BOK: variants seen among roughly 807,000 people sequenced by gnomAD.
BOK encodes BCL2 family apoptosis regulator BOK.
In BOK, 20 loss-of-function variants were observed where a neutral mutation model predicts 18.3. The ratio of observed to expected loss-of-function variants is 1.09; its 90% CI spans 0.77 to 1.59. BOK has a LOEUF of 1.59. BOK is among the 40% of genes most tolerant of loss of function. The probability of loss-of-function intolerance (pLI) is 0.00; values close to 1 mark genes in which losing one functional copy is unlikely to be tolerated. For synonymous variants in BOK, 173 were observed against 142.4 expected, an observed-to-expected ratio of 1.21 and a Z score of -1.53; for missense variants, 348 against 307.9, an observed-to-expected ratio of 1.13 and a Z score of -0.97.
chr2:241,559,425 C>T, intron 1 of BOK, 30 bp from the exon 2 acceptor site: 3 of 1,293,634 alleles, frequency 2.3e-6, no homozygotes, highest in Non-Finnish European at 2.9e-6. Context: ...CGCCGCCTCC[C>T]TCCACCCGGC....
chr2:241,569,828 T>A (rs561951752), intron 3 of BOK, among the ~76,000 whole-genome samples: 1 of 152,132 alleles, frequency 6.6e-6, no homozygotes, highest in Admixed American at 6.5e-5. Flanking sequence ...ACCCGTGAGG[T>A]CACTGGCTGC....
At chr2:241,555,857 G>C (rs531053810), upstream of BOK, among the ~76,000 whole-genome samples, 1 of 152,204 alleles carries the variant, frequency 6.6e-6, no homozygotes, top group Non-Finnish European at 1.5e-5. Context: ...CAGGAAGCAG[G>C]AAGTATGAGT....
intron 1 of BOK, 93 bp from the exon 2 acceptor site, chr2:241,559,362 G>C (rs1318759262): frequency 1.1e-5 from 8 of 721,992 alleles, no homozygotes; most frequent in African/African-American, 1.9e-5. Context: ...CGCCGGCTAC[G>C]GCCCTTCCCG....
chr2:241,551,612 TG>T (rs1453389146), intron 1 of BOK: 2 of 151,386 alleles, frequency 1.3e-5, no homozygotes, highest in Non-Finnish European at 2.9e-5. Flanking sequence ...ACTAAGGGGG[TG>T]GGGGGCACAA....
At chr2:241,569,807 C>T (rs1304470107) in intron 3 of BOK, among the ~76,000 whole-genome samples, 1 of 152,180 alleles carries the variant, frequency 6.6e-6, no homozygotes, top group Non-Finnish European at 1.5e-5. Context: ...AACAGGCAGC[C>T]CAGGGGTGCC....
chr2:241,553,784 C>T (rs2066431482), upstream of BOK, among the ~76,000 whole-genome samples: 1 of 152,206 alleles, frequency 6.6e-6, no homozygotes, highest in African/African-American at 2.4e-5. Context: ...CAAGCTGTAT[C>T]ACCCACACAA....
chr2:241,571,828 CTGT>C (rs1190398980), intron 4 of BOK, among the ~76,000 whole-genome samples: 1 of 152,274 alleles, frequency 6.6e-6, no homozygotes, highest in Non-Finnish European at 1.5e-5. Context: ...GCAGTCCCTG[CTGT>C]TGTTCCAGGC....
chr2:241,559,568 G>GC lies in BOK; in HGVS notation c.88dup (p.Gln30ProfsTer36). ...CTCGCCCACAGACAAGGAGCTGGTG[G>GC]CCCAGGCCAAGGCGCTGGGCCGGGA... On this transcript the variant is annotated frameshift_variant, in exon 2 of 5. Transcript: ENST00000318407. LOFTEE classifies it high-confidence loss of function. 1 of 1,527,066 alleles carries GC rather than the reference G, an allele frequency of 6.5e-7. No individual in the cohort carries two copies. Among genetic ancestry groups the GC allele is most frequent in the Non-Finnish European group, 8.7e-7 (1 of 1,146,480 alleles). 94.6% of individuals were successfully genotyped at this position (1,527,066 alleles called of 1,614,324 possible). A position where few individuals can be genotyped will look rare whatever the true frequency, so the allele number is the denominator to read the frequency against.
upstream of BOK, among the ~76,000 whole-genome samples, chr2:241,557,963 G>A (rs1214636398): frequency 1.3e-5 from 2 of 151,274 alleles, no homozygotes; most frequent in South Asian, 2.1e-4. Context: ...TTGTACACAC[G>A]TGAATTAGGC....
At position 241,559,636 on chromosome 2, in the gene BOK, C is replaced by T. The variant is rs1414133210; in HGVS notation, c.153C>T (p.Ser51=). The change falls in exon 2 of 5, where the codon AGC becomes AGT. Residue 51 remains serine (S), a synonymous_variant. Transcript: ENST00000318407. The part of the protein sequence containing the change: ...ARLLRAGLSW[S]APERAAPVPG... ...TGCTGCGCGCCGGCCTCTCCTGGAG[C>T]GCGCCCGAGCGTGCCGCGCCGGTCC... is the stretch of plus-strand genomic sequence containing the variant. 4.9e-6 allele frequency: 7 copies of T among 1,417,558 alleles called. No homozygotes were observed. Among genetic ancestry groups the T allele is most frequent in the Non-Finnish European group, 6.4e-6 (7 of 1,093,898 alleles). 87.8% of individuals were successfully genotyped at this position (1,417,558 alleles called of 1,614,324 possible).
intron 3 of BOK, among the ~76,000 whole-genome samples, chr2:241,566,471 G>T (rs1348737318): frequency 1.3e-5 from 2 of 151,286 alleles, no homozygotes; most frequent in Non-Finnish European, 2.9e-5. Flanking sequence ...GCTAATTTTT[G>T]TATTGTTAGT....
At chr2:241,568,965 TGCTGACTCCCTCCGGGGACC>T in intron 3 of BOK, among the ~76,000 whole-genome samples, 1 of 150,886 alleles carries the variant, frequency 6.6e-6, no homozygotes, top group Admixed American at 6.6e-5. Context: ...CAGGGACCAC[TGCTGACTCCCTCCGGGGACC>T]GCTGCTAACT....
chr2:241,564,925 G>A (rs1462649137), intron 3 of BOK, among the ~76,000 whole-genome samples: 1 of 152,210 alleles, frequency 6.6e-6, no homozygotes, highest in Non-Finnish European at 1.5e-5. Context: ...GATGGGGCCA[G>A]GATGCCCCTA....
At chr2:241,564,296 C>T (rs2066576699) in intron 3 of BOK, among the ~76,000 whole-genome samples, 1 of 152,150 alleles carries the variant, frequency 6.6e-6, no homozygotes, top group South Asian at 2.1e-4. Context: ...GGTGTGGGGT[C>T]AGGAGGCGGA....
chr2:241,554,198 G>T (rs1249872207), upstream of BOK, among the ~76,000 whole-genome samples: 2 of 152,178 alleles, frequency 1.3e-5, no homozygotes, highest in South Asian at 2.1e-4. Flanking sequence ...TCAGGGGCTG[G>T]CTCTGTATGG....
At chr2:241,569,598 C>T (rs7598295) in intron 3 of BOK, among the ~76,000 whole-genome samples, 83,321 of 151,822 alleles carry the variant, frequency 0.55, 23,079 homozygotes, top group East Asian at 0.73. Flanking sequence ...TTCTCGCTCA[C>T]GTATAAGACG....
At chr2:241,561,084 G>T (rs1050978418) in intron 2 of BOK, among the ~76,000 whole-genome samples, 1 of 152,208 alleles carries the variant, frequency 6.6e-6, no homozygotes, top group Non-Finnish European at 1.5e-5. Flanking sequence ...CCCGCCCCCA[G>T]CCAGCCTCTC....
chr2:241,555,165 T>C (rs1222083017), upstream of BOK, among the ~76,000 whole-genome samples: 1 of 152,164 alleles, frequency 6.6e-6, no homozygotes, highest in Non-Finnish European at 1.5e-5. Context: ...GTACTCCAGA[T>C]TGCTTAATCT....
chr2:241,557,061 T>C (rs879338430), upstream of BOK, among the ~76,000 whole-genome samples: 2 of 152,214 alleles, frequency 1.3e-5, no homozygotes, highest in Admixed American at 6.5e-5. Flanking sequence ...TACAGTGATG[T>C]CCTCTTTTTC....
Sources: gnomAD v4.1 joint callset for allele counts (sites outside exome capture counted in the v4.1 genomes callset) on GRCh38, gnomAD v4.1.1 for gene constraint, MANE v1.5 for transcripts, NCBI Gene and HGNC (gene_info 2026-07-23, HGNC 2026-07-21) for gene names.